WDR70: variants seen among roughly 807,000 people sequenced by gnomAD.
WDR70 encodes WD repeat-containing protein 70.
A neutral mutation model predicts 88.6 loss-of-function variants in WDR70; 53 were observed. The observed-to-expected ratio is 0.60, with a 90% CI of 0.48 to 0.75. WDR70 has a LOEUF of 0.75. Ranked by LOEUF, WDR70 falls within the 30% of genes least tolerant of loss-of-function variation. The pLI is 0.00. For synonymous variants in WDR70, 280 were observed against 270.0 expected (o/e 1.04, Z -0.36); for missense variants, 610 against 823.2 (o/e 0.74, Z 3.17).
At chr5:37,627,784 G>T (rs1310908924) in intron 10 of WDR70, among the ~76,000 whole-genome samples, 1 of 152,142 alleles carries the variant, frequency 6.6e-6, no homozygotes, top group Non-Finnish European at 1.5e-5. Flanking sequence ...GGCAAGATAA[G>T]ATGCGTCATA....
intron 10 of WDR70, among the ~76,000 whole-genome samples, chr5:37,638,459 G>A (rs1488228748): frequency 6.6e-6 from 1 of 152,176 alleles, no homozygotes; most frequent in Non-Finnish European, 1.5e-5. Context: ...TTGTCAGGAG[G>A]ACCAAATGCA....
chr5:37,734,849 T>C (rs1748254244), intron 17 of WDR70, among the ~76,000 whole-genome samples: 1 of 152,158 alleles, frequency 6.6e-6, no homozygotes, highest in South Asian at 2.1e-4. Flanking sequence ...ATGAATGGGA[T>C]GAATTATATT....
At position 37,479,840 on chromosome 5, in the gene WDR70, G is replaced by C. The variant is rs1739606590; in HGVS notation, c.693G>C (p.Gln231His). The change falls in exon 8 of 18, where the codon CAG becomes CAC. Residue 231 changes from glutamine (Q) to histidine (H), a missense_variant. By Grantham distance (24) the Gln-to-His change is conservative (BLOSUM62 0). Coordinates refer to ENST00000265107, the MANE Select transcript of WDR70 (RefSeq NM_018034.4). The stretch of plus-strand genomic sequence containing the variant: ...TCCTTTTCTTTTCGTACAGCCATCA[G>C]ATCAAGTCATTACAGTATAGTAACA... ...FRSLQPCECH[Q>H]IKSLQYSNTG... The C allele has an allele frequency of 6.2e-7, 1 of 1,611,890 alleles. No homozygotes were observed. The highest frequency in any genetic ancestry group is 1.7e-5 in the Admixed American group (1 of 59,306).
chr5:37,383,704 G>A (rs901817800), intron 3 of WDR70, among the ~76,000 whole-genome samples: 1 of 151,302 alleles, frequency 6.6e-6, no homozygotes, highest in Non-Finnish European at 1.5e-5. Flanking sequence ...CTCAGGCTCT[G>A]GAGTAGCTGG....
intron 8 of WDR70, among the ~76,000 whole-genome samples, chr5:37,487,623 A>ATTTTTTTTTT (rs1303879846): frequency 5.4e-4 from 10 of 18,560 alleles, no homozygotes; most frequent in African/African-American, 1.1e-3. Context: ...ATATATATAT[A>ATTTTTTTTTT]TGTATTTTTT....
intron 7 of WDR70, among the ~76,000 whole-genome samples, chr5:37,450,374 G>A (rs1295303560): frequency 6.6e-6 from 1 of 152,126 alleles, no homozygotes; most frequent in African/African-American, 2.4e-5. Flanking sequence ...AGCTGACAAA[G>A]CTAGGAAATA....
At position 37,392,076 on chromosome 5, in the gene WDR70, C is replaced by T; in HGVS notation, c.252C>T (p.Ser84=). 6.2e-7 allele frequency: 1 copy of T among 1,612,310 alleles called. No individual in the cohort carries two copies. Among genetic ancestry groups the T allele is most frequent in the Non-Finnish European group, 8.5e-7 (1 of 1,179,672 alleles). Residue 84 remains serine, a synonymous_variant, in exon 4 of 18, where the codon TCC becomes TCT. Coordinates refer to ENST00000265107, the MANE Select transcript of WDR70 (RefSeq NM_018034.4). ...AAAATGAAGATATTGAGCCAACATC[C>T]TCAAGATCAAATGTGGTCAGAGATT... is the stretch of plus-strand genomic sequence containing the variant. ...RRQNEDIEPT[S]SRSNVVRDCS...
chr5:37,712,455 A>C (rs1272499163), intron 13 of WDR70, among the ~76,000 whole-genome samples: 1 of 152,244 alleles, frequency 6.6e-6, no homozygotes, highest in African/African-American at 2.4e-5. Flanking sequence ...CTGGTAATTT[A>C]AACTCTAGTG....
chr5:37,466,991 T>C (rs1280443072), intron 7 of WDR70, among the ~76,000 whole-genome samples: 2 of 151,914 alleles, frequency 1.3e-5, no homozygotes, highest in Non-Finnish European at 2.9e-5. Flanking sequence ...TTCCTAACAC[T>C]TTGGGAGGCC....
intron 11 of WDR70, among the ~76,000 whole-genome samples, chr5:37,698,272 G>A (rs72743164): frequency 0.032 from 4,795 of 152,122 alleles, 101 homozygotes; most frequent in Middle Eastern, 0.12. Context: ...TTGTATGGTT[G>A]GATATAGCTT....
chr5:37,649,899 G>A (rs1198348624), intron 10 of WDR70, among the ~76,000 whole-genome samples: 2 of 144,786 alleles, frequency 1.4e-5, no homozygotes, highest in African/African-American at 5.0e-5. Flanking sequence ...CACCACGCCC[G>A]GCTAATTTTT....
intron 10 of WDR70, among the ~76,000 whole-genome samples, chr5:37,618,708 A>G (rs1744417481): frequency 6.6e-6 from 1 of 152,188 alleles, no homozygotes; most frequent in African/African-American, 2.4e-5. Context: ...TGTTTTGGCT[A>G]TGTAGAGTTT....
chr5:37,609,413 A>G (rs1744124573), intron 10 of WDR70, among the ~76,000 whole-genome samples: 1 of 152,210 alleles, frequency 6.6e-6, no homozygotes, highest in African/African-American at 2.4e-5. Flanking sequence ...GCTGTTCTTT[A>G]ATATCTATCA....
chr5:37,608,540 T>C (rs1744098544), intron 10 of WDR70, among the ~76,000 whole-genome samples: 1 of 152,054 alleles, frequency 6.6e-6, no homozygotes, highest in Admixed American at 6.6e-5. Flanking sequence ...CTGTACTGTA[T>C]GTTTCACTAT....
chr5:37,633,026 C>G (rs1051782455), intron 10 of WDR70, among the ~76,000 whole-genome samples: 1 of 152,128 alleles, frequency 6.6e-6, no homozygotes, highest in African/African-American at 2.4e-5. Flanking sequence ...GCCTGTAGTA[C>G]TCAGTATAGT....
At chr5:37,657,443 T>TGCCAGCCACCCC (rs1328971624) in intron 10 of WDR70, among the ~76,000 whole-genome samples, 2 of 152,158 alleles carry the variant, frequency 1.3e-5, no homozygotes, top group Non-Finnish European at 2.9e-5. Flanking sequence ...TCAGCCACCT[T>TGCCAGCCACCCC]GCCAGCCACC....
intron 5 of WDR70, among the ~76,000 whole-genome samples, chr5:37,397,676 C>G (rs1749060669): frequency 6.6e-6 from 1 of 151,984 alleles, no homozygotes; most frequent in African/African-American, 2.4e-5. Flanking sequence ...TAGTTTAAGC[C>G]AAGTATATAA....
intron 13 of WDR70, among the ~76,000 whole-genome samples, chr5:37,704,823 T>C (rs12513493): frequency 0.42 from 63,838 of 151,912 alleles, 15,431 homozygotes; most frequent in Non-Finnish European, 0.54. Flanking sequence ...GAGAGAGATA[T>C]CTAGAGTTAG....
At chr5:37,568,955 C>T (rs889086386) in intron 9 of WDR70, among the ~76,000 whole-genome samples, 2 of 152,154 alleles carry the variant, frequency 1.3e-5, no homozygotes, top group Non-Finnish European at 2.9e-5. Flanking sequence ...GCCTAACCTA[C>T]ATGAGAATAG....
Sources: allele counts gnomAD v4.1 joint callset (sites outside exome capture counted in the v4.1 genomes callset), GRCh38; gene constraint gnomAD v4.1.1; transcripts MANE v1.5; gene names NCBI Gene and HGNC (gene_info 2026-07-23, HGNC 2026-07-21).